The following AK8 variants were observed in gnomAD, a reference collection of about 807,000 sequenced individuals.
AK8 encodes the protein ATP-AMP transphosphorylase 8.
In AK8, 44 loss-of-function variants were observed where a neutral mutation model predicts 54.6. The ratio of observed to expected loss-of-function variants is 0.81; its 90% CI spans 0.63 to 1.04. The LOEUF (loss-of-function observed/expected upper bound fraction) is 1.04. Among genes scored for constraint, AK8 ranks in the 50% least tolerant of loss-of-function variants. The probability of loss-of-function intolerance (pLI) is 0.00; values close to 1 mark genes in which losing one functional copy is unlikely to be tolerated. For missense variants in AK8, 555 were observed against 613.6 expected (o/e 0.90, Z 1.01); for synonymous variants, 239 against 245.6 (o/e 0.97, Z 0.25).
chr9:132,765,292 CAAAAAAAA>C (rs61495439), intron 11 of AK8, among the ~76,000 whole-genome samples: 10 of 62,816 alleles, frequency 1.6e-4, no homozygotes, highest in East Asian at 5.9e-4. Context: ...GACTCCATTT[CAAAAAAAA>C]AAAAAAAAAA....
intron 11 of AK8, among the ~76,000 whole-genome samples, chr9:132,773,054 C>G (rs1245775736): frequency 6.6e-6 from 1 of 152,146 alleles, no homozygotes; most frequent in South Asian, 2.1e-4. Context: ...CACAGTGGCT[C>G]CCACATCACT....
At chr9:132,841,299 T>C (rs1201675433) in intron 5 of AK8, among the ~76,000 whole-genome samples, 1 of 152,200 alleles carries the variant, frequency 6.6e-6, no homozygotes, top group African/African-American at 2.4e-5. Context: ...GAGCCACGTG[T>C]GGAGCCCATA....
intron 11 of AK8, among the ~76,000 whole-genome samples, chr9:132,734,946 G>A (rs1380570504): frequency 2.0e-5 from 3 of 152,200 alleles, no homozygotes; most frequent in Non-Finnish European, 4.4e-5. Flanking sequence ...CACGAGAATC[G>A]CTTGAACCCG....
intron 5 of AK8, among the ~76,000 whole-genome samples, chr9:132,843,253 C>A (rs1484030931): frequency 6.6e-6 from 1 of 152,068 alleles, no homozygotes; most frequent in African/African-American, 2.4e-5. Context: ...AGTGAGTTTT[C>A]AAGAGATCTG....
At position 132,828,035 on chromosome 9, in the gene AK8, C is replaced by T; in HGVS notation, c.534G>A (p.Lys178=). 2 of 1,569,426 alleles carry T rather than the reference C, an allele frequency of 1.3e-6. No individual in the cohort carries two copies. The highest frequency in any genetic ancestry group is 1.7e-6 in the Non-Finnish European group (2 of 1,155,952). ...DTVLIERNLG[K]RIDPQTGEIY... is the part of the protein sequence containing the mutation. ...TACCTCCAGTTTGAGGGTCGATTCT[C>T]TTCCCCAAGTTTCTCTCGATCAGGA... is the stretch of plus-strand genomic sequence containing the variant. Residue 178 remains lysine (K), a synonymous_variant, in exon 7 of 13, where the codon AAG becomes AAA. Coordinates refer to ENST00000298545, the MANE Select transcript of AK8 (RefSeq NM_152572.3).
At chr9:132,830,353 C>T (rs1330427033) in intron 5 of AK8, among the ~76,000 whole-genome samples, 1 of 152,196 alleles carries the variant, frequency 6.6e-6, no homozygotes, top group African/African-American at 2.4e-5. Flanking sequence ...CATTTTGCCA[C>T]ATCGCTCTAC....
At chr9:132,869,202 T>C (rs936902703) in intron 2 of AK8, among the ~76,000 whole-genome samples, 9 of 152,214 alleles carry the variant, frequency 5.9e-5, no homozygotes, top group Admixed American at 1.3e-4. Flanking sequence ...TCTATATCTA[T>C]GTCTATTTAT....
upstream of AK8, chr9:132,878,504 G>C (rs1474438346): frequency 8.3e-7 from 1 of 1,200,512 alleles, no homozygotes; most frequent in African/African-American, 1.6e-5. The surrounding 1 kb of genome is among the most constrained non-coding windows in gnomAD (Gnocchi z 4.7). Flanking sequence ...ACACCCTCAG[G>C]TGGCTTCCAG....
At chr9:132,742,833 C>A (rs751273955) in intron 11 of AK8, among the ~76,000 whole-genome samples, 9 of 152,226 alleles carry the variant, frequency 5.9e-5, no homozygotes, top group Admixed American at 2.0e-4. Flanking sequence ...TCATCCTCAT[C>A]ACAAGCTTGA....
At chr9:132,874,875 G>A (rs1391157028) in intron 2 of AK8, among the ~76,000 whole-genome samples, 1 of 152,164 alleles carries the variant, frequency 6.6e-6, no homozygotes, top group Non-Finnish European at 1.5e-5. Flanking sequence ...ATTTTTATAA[G>A]TTGTGCTCCA....
intron 11 of AK8, among the ~76,000 whole-genome samples, chr9:132,772,637 AT>A (rs1271135631): frequency 2.6e-5 from 4 of 152,146 alleles, no homozygotes; most frequent in African/African-American, 9.7e-5. Flanking sequence ...AAACCAGTAG[AT>A]TTCTAAGAGG....
Position 132,816,949 on chromosome 9 carries a change from T to C in AK8, c.890-2222A>G, listed in dbSNP as rs112147022. 5.9e-5 allele frequency among the ~76,000 whole-genome samples: 9 copies of C among 152,066 alleles called. No homozygotes were observed. The South Asian group carries it at 8.3e-4, about 14-fold the overall frequency. On this transcript the variant is annotated intron_variant, in intron 9 of 12. Coordinates refer to ENST00000298545, the MANE Select transcript of AK8 (RefSeq NM_152572.3). ...CACAGAAGGAGTTCCAGAAATCTCA[T>C]AGGGGTTCACTGAGCCTTTGGCCAA...
intron 11 of AK8, among the ~76,000 whole-genome samples, chr9:132,756,514 C>G (rs1590202488): frequency 6.6e-6 from 1 of 152,252 alleles, no homozygotes; most frequent in East Asian, 1.9e-4. Context: ...TTTTAAACCA[C>G]CTTCTGCACT....
intron 2 of AK8, among the ~76,000 whole-genome samples, chr9:132,871,603 C>G (rs944263463): frequency 1.3e-5 from 2 of 152,190 alleles, no homozygotes; most frequent in Non-Finnish European, 2.9e-5. Flanking sequence ...AGGACAGACC[C>G]CCCCGGCTGG....
intron 5 of AK8, among the ~76,000 whole-genome samples, chr9:132,832,771 C>A (rs540128856): frequency 1.3e-5 from 2 of 152,174 alleles, no homozygotes; most frequent in Non-Finnish European, 2.9e-5. Flanking sequence ...CCAGAGAAAG[C>A]GGGACTTCCA....
At chr9:132,849,107 A>C (rs898144275) in intron 5 of AK8, among the ~76,000 whole-genome samples, 5 of 151,906 alleles carry the variant, frequency 3.3e-5, no homozygotes, top group African/African-American at 1.2e-4. Flanking sequence ...ACGAGGTTTC[A>C]CCATGTTAGC....
At chr9:132,830,292 A>G (rs2131313204) in intron 5 of AK8, among the ~76,000 whole-genome samples, 1 of 152,332 alleles carries the variant, frequency 6.6e-6, no homozygotes, top group African/African-American at 2.4e-5. Flanking sequence ...CCTATCAAAC[A>G]TCCTCAGATA....
At chr9:132,727,119 T>A (rs1450270487) in intron 12 of AK8, among the ~76,000 whole-genome samples, 3 of 152,038 alleles carry the variant, frequency 2.0e-5, no homozygotes, top group African/African-American at 7.2e-5. Context: ...CTGGGATGCA[T>A]CGTGGCTCAA....
At chr9:132,748,760 G>A (rs1302216980) in intron 11 of AK8, among the ~76,000 whole-genome samples, 2 of 151,858 alleles carry the variant, frequency 1.3e-5, no homozygotes, top group Non-Finnish European at 1.5e-5. Context: ...GTTTGCAATC[G>A]GCAAAGGGAT....
Sources: gnomAD v4.1 joint callset for allele counts (sites outside exome capture counted in the v4.1 genomes callset) on GRCh38, gnomAD v4.1.1 for gene constraint, Gnocchi (gnomAD v3.1) non-coding constraint, MANE v1.5 for transcripts, NCBI Gene and HGNC (gene_info 2026-07-23, HGNC 2026-07-21) for gene names.